RYR3: variants seen among roughly 807,000 people sequenced by gnomAD.
RYR3 encodes brain ryanodine receptor-calcium release channel.
RYR3 carries 207 observed loss-of-function variants against 584.3 expected under a neutral mutation model. The ratio of observed to expected loss-of-function variants is 0.35; its 90% CI spans 0.32 to 0.40. The LOEUF is 0.40. Among genes scored for constraint, RYR3 ranks in the 10% least tolerant of loss-of-function variants. The pLI is 1.00. For missense variants in RYR3, 5,616 were observed against 6,089.2 expected (o/e 0.92, Z 2.59); for synonymous variants, 2,416 against 2,248.5 (o/e 1.07, Z -2.11).
intron 5 of RYR3, among the ~76,000 whole-genome samples, chr15:33,534,706 A>AC (rs2055178614): frequency 6.6e-6 from 1 of 152,232 alleles, no homozygotes; most frequent in South Asian, 2.1e-4. Context: ...CCAAAGACCA[A>AC]CAGAGCAGTG....
chr15:33,352,467 A>T (rs1973411470), intron 1 of RYR3, among the ~76,000 whole-genome samples: 1 of 152,130 alleles, frequency 6.6e-6, no homozygotes, highest in Admixed American at 6.5e-5. Flanking sequence ...ACTGGTCTAG[A>T]TTCCCACTGC....
chr15:33,579,179 G>A (rs1024261849), intron 12 of RYR3, among the ~76,000 whole-genome samples: 3 of 152,056 alleles, frequency 2.0e-5, no homozygotes, highest in African/African-American at 7.2e-5. Flanking sequence ...TGAGAGATAG[G>A]GGACACTGAG....
chr15:33,864,962 G>C (rs1889969562), intron 103 of RYR3, 169 bp from the exon 104 acceptor site: 1 of 555,778 alleles, frequency 1.8e-6, no homozygotes, highest in South Asian at 2.6e-5. Context: ...ATGGCTTCTT[G>C]CTTCCCAAAC....
At chr15:33,535,213 T>C (rs1187323845) in intron 5 of RYR3, among the ~76,000 whole-genome samples, 1 of 152,214 alleles carries the variant, frequency 6.6e-6, no homozygotes, top group Non-Finnish European at 1.5e-5. Flanking sequence ...GGTCAGTTCA[T>C]AATGGAAGGA....
At chr15:33,755,387 G>C (rs754890916) in intron 58 of RYR3, among the ~76,000 whole-genome samples, 1 of 152,108 alleles carries the variant, frequency 6.6e-6, no homozygotes, top group Non-Finnish European at 1.5e-5. Flanking sequence ...TTGGGAGGCC[G>C]AGGCGGGCGG....
intron 76 of RYR3, among the ~76,000 whole-genome samples, chr15:33,818,898 C>T (rs537386523): frequency 7.2e-5 from 11 of 152,252 alleles, no homozygotes; most frequent in South Asian, 2.1e-4. Context: ...CCAAGGCGGG[C>T]GGACCATCTG....
intron 8 of RYR3, among the ~76,000 whole-genome samples, chr15:33,545,158 A>T (rs1044972465): frequency 1.3e-5 from 2 of 152,144 alleles, no homozygotes; most frequent in African/African-American, 4.8e-5. Flanking sequence ...ACTTTTAAGG[A>T]TGGGAACTGG....
chr15:33,849,837 A>T (rs1567317088), intron 94 of RYR3: 1 of 152,212 alleles, frequency 6.6e-6, no homozygotes, highest in Non-Finnish European at 1.5e-5. Context: ...CAGAAAAGGA[A>T]GCCTCTTCCC....
At chr15:33,645,133 A>G (rs1030416554) in intron 28 of RYR3, among the ~76,000 whole-genome samples, 1 of 152,120 alleles carries the variant, frequency 6.6e-6, no homozygotes, top group African/African-American at 2.4e-5. Flanking sequence ...GACCTATTCA[A>G]TTTTTTGATG....
At chr15:33,605,133 CAAAGG>C (rs2152558476) in intron 18 of RYR3, among the ~76,000 whole-genome samples, 1 of 152,220 alleles carries the variant, frequency 6.6e-6, no homozygotes, top group Non-Finnish European at 1.5e-5. Context: ...TAATCATTCT[CAAAGG>C]AAAAAAATTT....
chr15:33,855,293 G>A (rs770388733), intron 98 of RYR3, among the ~76,000 whole-genome samples: 4 of 152,020 alleles, frequency 2.6e-5, no homozygotes, highest in African/African-American at 9.7e-5. Flanking sequence ...CGACTCCCAG[G>A]TCCCAGTTCA....
At chr15:33,857,994 G>A in intron 99 of RYR3, 80 bp downstream of exon 99, 8 of 1,567,132 alleles carry the variant, frequency 5.1e-6, no homozygotes, top group Non-Finnish European at 6.9e-6. Flanking sequence ...AAGAAGGGCT[G>A]TGTGGGGGTG....
chr15:33,445,608 C>T (rs1233147576), intron 1 of RYR3, among the ~76,000 whole-genome samples: 1 of 149,444 alleles, frequency 6.7e-6, no homozygotes, highest in African/African-American at 2.5e-5. Flanking sequence ...AATATAAATT[C>T]CTTTCCCTCC....
intron 18 of RYR3, among the ~76,000 whole-genome samples, chr15:33,610,166 T>C (rs867734263): frequency 6.6e-6 from 1 of 152,160 alleles, no homozygotes; most frequent in Non-Finnish European, 1.5e-5. Flanking sequence ...ATCTCCCTCA[T>C]CCAGCCTTCA....
intron 2 of RYR3, among the ~76,000 whole-genome samples, chr15:33,475,448 G>T (rs2049292935): frequency 6.6e-6 from 1 of 152,154 alleles, no homozygotes; most frequent in Non-Finnish European, 1.5e-5. Flanking sequence ...TAAGGAGCGT[G>T]CAACCTAGAT....
At position 33,838,346 on chromosome 15, in the gene RYR3, C is replaced by T. The variant is rs200501671; in HGVS notation, c.12366C>T (p.Tyr4122=). The part of the protein sequence containing the change: ...EEEEEDEDSS[Y]VLEIAGEEEE... The stretch of plus-strand genomic sequence containing the variant: ...AGGAAGAAGATGAAGATTCTTCTTA[C>T]GTGTTAGAAATTGCGGGTGAAGAGG... The change falls in exon 89 of 104, where the codon TAC becomes TAT. Residue 4122 remains tyrosine, a synonymous_variant. Coordinates refer to ENST00000634891, the MANE Select transcript of RYR3 (RefSeq NM_001036.6). 57 of 1,613,820 alleles carry T rather than the reference C, an allele frequency of 3.5e-5. No individual in the cohort carries two copies. The highest frequency in any genetic ancestry group is 2.7e-4 in the East Asian group (12 of 44,896).
chr15:33,327,692 G>A (rs74244029), intron 1 of RYR3, among the ~76,000 whole-genome samples: 11,298 of 151,818 alleles, frequency 0.074, 503 homozygotes, highest in Middle Eastern at 0.13. Flanking sequence ...AGGGGAAGTT[G>A]CCTGCCTGCC....
intron 1 of RYR3, among the ~76,000 whole-genome samples, chr15:33,418,422 C>G (rs571395662): frequency 4.4e-4 from 66 of 151,318 alleles, no homozygotes; most frequent in African/African-American, 1.5e-3. Context: ...AGAAATAGAC[C>G]AGGTAGAGAA....
chr15:33,781,499 C>T (rs941701934), intron 65 of RYR3, among the ~76,000 whole-genome samples: 4 of 152,190 alleles, frequency 2.6e-5, no homozygotes, highest in Admixed American at 2.6e-4. Flanking sequence ...AAGAAGCATT[C>T]TGAGCAAGAA....
Sources: gnomAD v4.1 joint callset for allele counts (sites outside exome capture counted in the v4.1 genomes callset) on GRCh38, gnomAD v4.1.1 for gene constraint, MANE v1.5 for transcripts, NCBI Gene and HGNC (gene_info 2026-07-23, HGNC 2026-07-21) for gene names.